Variants in HNF4G observed in about 807,000 individuals in gnomAD.
HNF4G encodes the protein hepatocyte nuclear factor 4 gamma, also known as hepatocyte nuclear factor 4-gamma.
A neutral mutation model predicts 50.9 loss-of-function variants in HNF4G; 21 were observed. The observed-to-expected ratio is 0.41, with a 90% CI of 0.29 to 0.59. The LOEUF is 0.59. Among genes scored for constraint, HNF4G ranks in the 20% least tolerant of loss-of-function variants. The probability of loss-of-function intolerance (pLI) is 0.26; values close to 1 mark genes in which losing one functional copy is unlikely to be tolerated. For missense variants in HNF4G, 527 were observed against 559.4 expected (o/e 0.94, Z 0.58); for synonymous variants, 198 against 185.6 (o/e 1.07, Z -0.54).
upstream of HNF4G, among the ~76,000 whole-genome samples, chr8:75,534,908 T>A (rs1806419665): frequency 3.3e-5 from 5 of 151,852 alleles, no homozygotes; most frequent in Admixed American, 3.3e-4. Flanking sequence ...AAGTTCAGTT[T>A]AAATTTTTAA....
At chr8:75,539,505 A>G (rs1233807657), upstream of HNF4G, among the ~76,000 whole-genome samples, 1 of 152,290 alleles carries the variant, frequency 6.6e-6, no homozygotes, top group East Asian at 1.9e-4. Context: ...GACTTGATTT[A>G]CCAAATTTAT....
At chr8:75,536,790 C>T (rs1279856224), upstream of HNF4G, among the ~76,000 whole-genome samples, 1 of 151,602 alleles carries the variant, frequency 6.6e-6, no homozygotes, top group East Asian at 1.9e-4. Context: ...AACTAAAAAC[C>T]TAAAATTAAC....
chr8:75,521,210 T>C (rs1304699939), intron 2 of HNF4G, among the ~76,000 whole-genome samples: 1 of 152,180 alleles, frequency 6.6e-6, no homozygotes, highest in African/African-American at 2.4e-5. Context: ...GTAACAAATA[T>C]TCCTTAAGTT....
chr8:75,519,059 G>A (rs756808861), intron 2 of HNF4G, among the ~76,000 whole-genome samples: 15 of 152,064 alleles, frequency 9.9e-5, no homozygotes, highest in South Asian at 4.1e-4. Flanking sequence ...CCTCTTGAAC[G>A]CTTTGCTGCT....
intron 1 of HNF4G, among the ~76,000 whole-genome samples, chr8:75,464,367 A>G (rs189257550): frequency 2.6e-5 from 4 of 151,994 alleles, no homozygotes; most frequent in Admixed American, 2.6e-4. Flanking sequence ...TTTCATGCAG[A>G]TTTGTTTTTA....
chr8:75,559,343 G>T (rs763739895), intron 8 of HNF4G, among the ~76,000 whole-genome samples: 6 of 150,824 alleles, frequency 4.0e-5, no homozygotes, highest in Non-Finnish European at 7.4e-5. Context: ...GCACAATCTC[G>T]GCTCACTGCA....
chr8:75,456,042 A>G (rs1563513868), intron 1 of HNF4G, among the ~76,000 whole-genome samples: 1 of 152,192 alleles, frequency 6.6e-6, no homozygotes, highest in Non-Finnish European at 1.5e-5. Context: ...CTAAGCGGTT[A>G]TGAGATCTGT....
intron 1 of HNF4G, among the ~76,000 whole-genome samples, chr8:75,434,046 C>T (rs1235754581): frequency 2.0e-5 from 3 of 149,450 alleles, no homozygotes; most frequent in African/African-American, 7.4e-5. Context: ...ACTCTGCCGC[C>T]AGGCTAGAGT....
At chr8:75,481,934 T>C (rs920814411) in intron 1 of HNF4G, among the ~76,000 whole-genome samples, 2 of 152,176 alleles carry the variant, frequency 1.3e-5, no homozygotes, top group African/African-American at 2.4e-5. Context: ...CATAATCTAC[T>C]TGCACCTTTG....
At chr8:75,433,448 C>T (rs1166530540) in intron 1 of HNF4G, among the ~76,000 whole-genome samples, 1 of 149,894 alleles carries the variant, frequency 6.7e-6, no homozygotes, top group African/African-American at 2.4e-5. Context: ...ACTTTAAGAT[C>T]AATTTTAATT....
chr8:75,488,261 T>TTTTTG (rs1812539674), intron 1 of HNF4G, among the ~76,000 whole-genome samples: 3 of 152,076 alleles, frequency 2.0e-5, no homozygotes, highest in South Asian at 2.1e-4. Flanking sequence ...CATTGGACTT[T>TTTTTG]TTTTGTTTTG....
At chr8:75,492,064 G>A (rs1348197655) in intron 2 of HNF4G, among the ~76,000 whole-genome samples, 1 of 152,198 alleles carries the variant, frequency 6.6e-6, no homozygotes, top group Non-Finnish European at 1.5e-5. Context: ...ATATTGCTAT[G>A]ACTTCATTTC....
chr8:75,560,419 C>T lies in HNF4G; in HGVS notation c.1199C>T (p.Thr400Ile). Reference protein sequence around the residue: ...HLSQDPLTGQTILLGPMSTLV... With the variant: ...HLSQDPLTGQIILLGPMSTLV... ...TCTCAAGACCCATTAACTGGACAAA[C>T]TATACTTTTAGGTCCCATGTCAACA... The change falls in exon 9 of 10, where the codon ACT becomes ATT. Residue 400 changes from threonine (T) to isoleucine (I), a missense_variant. By Grantham distance (89) the Thr-to-Ile change is moderately conservative (BLOSUM62 -1). Coordinates refer to ENST00000396423, the MANE Select transcript of HNF4G (RefSeq NM_004133.5). 1 of 1,613,090 alleles carries T rather than the reference C, an allele frequency of 6.2e-7. No individual in the cohort carries two copies. The highest frequency in any genetic ancestry group is 8.5e-7 in the Non-Finnish European group (1 of 1,179,196).
At chr8:75,472,781 G>A (rs534609087) in intron 1 of HNF4G, among the ~76,000 whole-genome samples, 2 of 152,248 alleles carry the variant, frequency 1.3e-5, no homozygotes, top group East Asian at 3.9e-4. Flanking sequence ...ATGAGGGCAG[G>A]AATTTCTTTG....
chr8:75,495,580 C>G (rs1812747433), intron 2 of HNF4G: 1 of 149,296 alleles, frequency 6.7e-6, no homozygotes. Flanking sequence ...CTCTGTCACC[C>G]AGGCTGGAGC....
chr8:75,441,345 A>C (rs1811279914), intron 1 of HNF4G, among the ~76,000 whole-genome samples: 1 of 151,904 alleles, frequency 6.6e-6, no homozygotes, highest in Non-Finnish European at 1.5e-5. Context: ...TCCCAGGCTC[A>C]AGTGAGTCTC....
chr8:75,435,860 T>C (rs902188634), intron 1 of HNF4G, among the ~76,000 whole-genome samples: 2 of 152,010 alleles, frequency 1.3e-5, no homozygotes, highest in African/African-American at 4.8e-5. Flanking sequence ...TCCCAAAGTG[T>C]TGGAATTACA....
At chr8:75,409,899 C>A (rs1263219562) in intron 1 of HNF4G, among the ~76,000 whole-genome samples, 1 of 152,152 alleles carries the variant, frequency 6.6e-6, no homozygotes, top group Admixed American at 6.5e-5. Context: ...CTCCCCATTC[C>A]ACTCCATGTA....
chr8:75,534,939 C>T (rs1166061909), upstream of HNF4G, among the ~76,000 whole-genome samples: 2 of 151,156 alleles, frequency 1.3e-5, no homozygotes, highest in Non-Finnish European at 3.0e-5. Flanking sequence ...AAATCGAGGA[C>T]AGGAACATGT....
Sources: gnomAD v4.1 joint callset for allele counts (sites outside exome capture counted in the v4.1 genomes callset) on GRCh38, gnomAD v4.1.1 for gene constraint, MANE v1.5 for transcripts, NCBI Gene and HGNC (gene_info 2026-07-23, HGNC 2026-07-21) for gene names.